The following TACC2 variants were observed in gnomAD, a reference collection of about 807,000 sequenced individuals.
TACC2 encodes the protein transforming acidic coiled-coil containing protein 2.
In TACC2, 137 loss-of-function variants were observed where a neutral mutation model predicts 227.3. That is an observed-to-expected ratio of 0.60 (90% CI 0.52 to 0.69). The LOEUF (loss-of-function observed/expected upper bound fraction) is 0.69. Ranked by LOEUF, TACC2 falls within the 30% of genes least tolerant of loss-of-function variation. TACC2 has a pLI of 0.00. For synonymous variants in TACC2, 1,523 were observed against 1,487.5 expected (o/e 1.02, Z -0.55); for missense variants, 3,470 against 3,694.4 (o/e 0.94, Z 1.57).
intron 7 of TACC2, among the ~76,000 whole-genome samples, chr10:122,193,517 G>A (rs1457785520): frequency 6.6e-6 from 1 of 152,080 alleles, no homozygotes; most frequent in African/African-American, 2.4e-5. Context: ...TGCACGGCTC[G>A]GTGACACCGG....
At chr10:122,024,817 A>G (rs1368790575) in intron 2 of TACC2, among the ~76,000 whole-genome samples, 2 of 152,184 alleles carry the variant, frequency 1.3e-5, no homozygotes, top group African/African-American at 4.8e-5. Context: ...CATCCATTAA[A>G]GCTCATTTAG....
In TACC2 at chr10:122,185,989, G is replaced by A. The variant is rs142038613; in HGVS notation, c.5835-9051G>A. 2.6e-3 allele frequency among the ~76,000 whole-genome samples: 396 copies of A among 152,250 alleles called. 3 individuals are homozygous for A. The highest frequency in any genetic ancestry group is 9.0e-3 in the African/African-American group (375 of 41,546). ...CTTGTTGCCCAGGCCGGAGTGCAGTGGTGTGATCTCGGCTCACCTCAACCT... is the reference window on the plus strand; with the variant it reads ...CTTGTTGCCCAGGCCGGAGTGCAGTAGTGTGATCTCGGCTCACCTCAACCT... On this transcript the variant is annotated intron_variant, in intron 7 of 22. Coordinates refer to ENST00000369005, the MANE Select transcript of TACC2 (RefSeq NM_206862.4).
In TACC2 at chr10:122,249,031, C is replaced by T; in HGVS notation, c.8554-19C>T. 4 of 1,604,498 alleles carry T rather than the reference C, an allele frequency of 2.5e-6. No homozygotes were observed. Among genetic ancestry groups the T allele is most frequent in the Non-Finnish European group, 3.4e-6 (4 of 1,173,538 alleles). On this transcript the variant is annotated intron_variant, in intron 20 of 22. Coordinates refer to ENST00000369005, the MANE Select transcript of TACC2 (RefSeq NM_206862.4). ...TGTTCTCGTGGGCTTGACGCCTGTC[C>T]TCTGCCCTGCTGTGTCAGAATGAAG...
intron 3 of TACC2, among the ~76,000 whole-genome samples, chr10:122,063,381 T>C (rs2077048190): frequency 6.6e-6 from 1 of 152,146 alleles, no homozygotes; most frequent in African/African-American, 2.4e-5. Context: ...TTCTGACTCA[T>C]TATTTATCTT....
At chr10:122,111,522 C>T (rs541365733) in intron 5 of TACC2, among the ~76,000 whole-genome samples, 1 of 152,304 alleles carries the variant, frequency 6.6e-6, no homozygotes, top group Admixed American at 6.5e-5. Flanking sequence ...GACGGAGTCT[C>T]GCTCTGTCGC....
chr10:122,154,625 T>G (rs1056838926), intron 7 of TACC2, among the ~76,000 whole-genome samples: 3 of 152,202 alleles, frequency 2.0e-5, no homozygotes, highest in African/African-American at 7.2e-5. Context: ...CATCAACTGC[T>G]GAAGATCTGA....
chr10:122,022,159 A>T (rs1957414018), intron 2 of TACC2, 145 bp downstream of exon 2: 3 of 695,020 alleles, frequency 4.3e-6, no homozygotes, highest in East Asian at 5.5e-5. Context: ...TTATGGATCT[A>T]TGCAGCCATT....
intron 5 of TACC2, among the ~76,000 whole-genome samples, chr10:122,096,084 GC>G (rs2081350833): frequency 6.6e-6 from 1 of 152,140 alleles, no homozygotes. Flanking sequence ...AGTATTAGGC[GC>G]CCCTTCCTCC....
rs757951554 is a variant in TACC2, at chr10:122,249,418, G to C, written c.8661-126G>C. 5 of 1,349,254 alleles carry C rather than the reference G, an allele frequency of 3.7e-6. No homozygotes were observed. The Admixed American group carries it at 8.7e-5, about 24-fold the overall frequency. 83.6% of individuals were successfully genotyped at this position (1,349,254 alleles called of 1,614,324 possible). Reference sequence around the variant, plus strand: ...GTTTGGTGTTCTCATGGGCTCCTGTGCTCCAGCTCCAGTTGGTGGCAGCTG... The same window carrying C: ...GTTTGGTGTTCTCATGGGCTCCTGTCCTCCAGCTCCAGTTGGTGGCAGCTG... On this transcript the variant is annotated intron_variant, in intron 21 of 22. Transcript: ENST00000369005.
At chr10:122,001,293 C>T (rs1461502744) in intron 1 of TACC2, among the ~76,000 whole-genome samples, 1 of 152,192 alleles carries the variant, frequency 6.6e-6, no homozygotes, top group African/African-American at 2.4e-5. Context: ...GGGGAGGCCT[C>T]ACAATCATGG....
intron 2 of TACC2, among the ~76,000 whole-genome samples, chr10:122,031,546 A>G (rs1163891553): frequency 6.6e-6 from 1 of 150,606 alleles, no homozygotes; most frequent in Non-Finnish European, 1.5e-5. Context: ...CTGGGACTAT[A>G]GGCGCCCACC....
intron 5 of TACC2, among the ~76,000 whole-genome samples, chr10:122,105,513 T>G (rs1231664679): frequency 6.6e-6 from 1 of 152,176 alleles, no homozygotes; most frequent in Non-Finnish European, 1.5e-5. Flanking sequence ...AGGTTCTTCC[T>G]GCTCTGAACT....
intron 6 of TACC2, among the ~76,000 whole-genome samples, chr10:122,137,065 A>G (rs1028479412): frequency 2.0e-5 from 3 of 151,992 alleles, no homozygotes; most frequent in African/African-American, 7.3e-5. Context: ...TATTTCTCAA[A>G]TAAAATGAAA....
rs180935510 is a variant in TACC2 at position 122,107,159 on chromosome 10, C to T, written c.5573+18568C>T. Reference sequence around the variant, plus strand: ...GTAAGGAAACAAGGAGGAAGAACAGCAGTTTTGAAAGCAACCAATAATGCT... The same window carrying T: ...GTAAGGAAACAAGGAGGAAGAACAGTAGTTTTGAAAGCAACCAATAATGCT... On this transcript the variant is annotated intron_variant, in intron 5 of 22. Transcript: ENST00000369005. 2.0e-4 allele frequency among the ~76,000 whole-genome samples: 30 copies of T among 152,360 alleles called. No homozygotes were observed. The East Asian group carries it at 4.4e-3, about 22-fold the overall frequency.
chr10:122,230,281 C>G (rs2095711384), intron 15 of TACC2, 70 bp from the exon 16 acceptor site: 1 of 1,330,436 alleles, frequency 7.5e-7, no homozygotes, highest in Non-Finnish European at 1.1e-6. Flanking sequence ...GTTCATTTCT[C>G]GGATGTGGAA....
chr10:122,066,965 TC>T (rs1380270155), intron 3 of TACC2, among the ~76,000 whole-genome samples: 1 of 152,212 alleles, frequency 6.6e-6, no homozygotes, highest in East Asian at 1.9e-4. Context: ...ACAATATGCT[TC>T]CATTTCTTCT....
chr10:122,242,634 C>G (rs2096021917), intron 19 of TACC2, among the ~76,000 whole-genome samples: 1 of 152,024 alleles, frequency 6.6e-6, no homozygotes, highest in African/African-American at 2.4e-5. Context: ...CATCCCTGGG[C>G]CTTTTTTTCT....
At chr10:122,253,238 A>G (rs2096282230) in intron 22 of TACC2, among the ~76,000 whole-genome samples, 1 of 152,198 alleles carries the variant, frequency 6.6e-6, no homozygotes, top group Non-Finnish European at 1.5e-5. Flanking sequence ...CCCTTGGAGA[A>G]GGCCATTGGA....
chr10:122,113,970 A>G (rs757559694), intron 5 of TACC2, among the ~76,000 whole-genome samples: 16 of 152,248 alleles, frequency 1.1e-4, no homozygotes, highest in Non-Finnish European at 2.1e-4. Context: ...GTCCTCTTCA[A>G]TCCTGGTCTT....
Sources: gnomAD v4.1 joint callset for allele counts (sites outside exome capture counted in the v4.1 genomes callset) on GRCh38, gnomAD v4.1.1 for gene constraint, MANE v1.5 for transcripts, NCBI Gene and HGNC (gene_info 2026-07-23, HGNC 2026-07-21) for gene names.